Variants in WWOX observed in about 807,000 individuals in gnomAD.
WWOX encodes WW domain containing oxidoreductase, also known as WW domain-containing oxidoreductase.
A neutral mutation model predicts 46.2 loss-of-function variants in WWOX; 69 were observed. The ratio of observed to expected loss-of-function variants is 1.49; its 90% confidence interval spans 1.23 to 1.82. The LOEUF is 1.82. Ranked by LOEUF, WWOX falls within the 40% of genes most tolerant of loss-of-function variation. The pLI, the probability that WWOX is intolerant of heterozygous loss-of-function variation, is 0.00. For missense variants in WWOX, 919 were observed against 542.6 expected (o/e 1.69, Z -6.89); for synonymous variants, 359 against 202.6 (o/e 1.77, Z -6.56).
At chr16:78,931,955 G>T (rs1299391677) in intron 8 of WWOX, among the ~76,000 whole-genome samples, 2 of 152,160 alleles carry the variant, frequency 1.3e-5, no homozygotes, top group Admixed American at 6.5e-5. Context: ...TTTATAAAGG[G>T]CAGTTCCCCT....
rs150377251 is a variant in WWOX at position 78,390,566 on chromosome 16, G to C, written c.605+3618G>C. Among the ~76,000 whole-genome samples the C allele has an allele frequency of 4.9e-3, 744 of 152,200 alleles. 13 individuals carry two copies. Among genetic ancestry groups the C allele is most frequent in the East Asian group, 0.033 (173 of 5,166 alleles). Reference sequence around the variant, plus strand: ...TTTACATGGCTTAGAGAAATACTGTGGTGGTGAAAATATGCATAAAAAAGC... The same window carrying C: ...TTTACATGGCTTAGAGAAATACTGTCGTGGTGAAAATATGCATAAAAAAGC... On this transcript the variant is annotated intron_variant, in intron 6 of 8. Transcript: ENST00000566780.
chr16:78,393,710 C>G (rs145022219), intron 6 of WWOX, among the ~76,000 whole-genome samples: 1 of 152,184 alleles, frequency 6.6e-6, no homozygotes, highest in Non-Finnish European at 1.5e-5. Context: ...TTACCCAAGT[C>G]CAAACATTTT....
intron 8 of WWOX, among the ~76,000 whole-genome samples, chr16:78,800,268 T>G (rs1482861349): frequency 3.3e-5 from 5 of 152,238 alleles, no homozygotes; most frequent in Non-Finnish European, 7.3e-5. Flanking sequence ...AGTCGAGCTT[T>G]TCAGCCACAG....
chr16:79,128,932 C>T (rs540961838), intron 8 of WWOX, among the ~76,000 whole-genome samples: 2 of 152,158 alleles, frequency 1.3e-5, no homozygotes, highest in African/African-American at 2.4e-5. Flanking sequence ...CATTGTTGCC[C>T]AGTGTGAAGG....
chr16:79,077,685 C>T (rs912866090), intron 8 of WWOX, among the ~76,000 whole-genome samples: 13 of 150,252 alleles, frequency 8.7e-5, no homozygotes, highest in African/African-American at 3.2e-4. Flanking sequence ...TCTCTCGTAG[C>T]ATCTAATGAA....
chr16:78,337,215 G>A (rs1349116118), intron 5 of WWOX, among the ~76,000 whole-genome samples: 1 of 152,170 alleles, frequency 6.6e-6, no homozygotes, highest in Admixed American at 6.5e-5. Context: ...ATCCCTCAAT[G>A]TGTTGACCAA....
At chr16:78,448,219 G>T (rs2083606297) in intron 8 of WWOX, among the ~76,000 whole-genome samples, 1 of 152,116 alleles carries the variant, frequency 6.6e-6, no homozygotes, top group Admixed American at 6.6e-5. Flanking sequence ...CTCATTTTCT[G>T]AAGCTGACCA....
At chr16:78,453,661 G>T (rs1414715175) in intron 8 of WWOX, among the ~76,000 whole-genome samples, 1 of 151,740 alleles carries the variant, frequency 6.6e-6, no homozygotes, top group Non-Finnish European at 1.5e-5. Context: ...TTTTTACTCT[G>T]TTTATGAATA....
chr16:78,762,565 T>C (rs1199724152), intron 8 of WWOX, among the ~76,000 whole-genome samples: 1 of 152,196 alleles, frequency 6.6e-6, no homozygotes, highest in Non-Finnish European at 1.5e-5. Context: ...ACTGCTGCCA[T>C]GAGTCGAGGT....
At chr16:79,210,487 C>G (rs1403668032) in intron 8 of WWOX, among the ~76,000 whole-genome samples, 2 of 152,100 alleles carry the variant, frequency 1.3e-5, no homozygotes. Context: ...CCATTTCCCC[C>G]ACAATCAAAG....
intron 8 of WWOX, among the ~76,000 whole-genome samples, chr16:78,562,692 A>G (rs1020649844): frequency 6.6e-6 from 1 of 152,100 alleles, no homozygotes; most frequent in African/African-American, 2.4e-5. Flanking sequence ...GGCCATCTGC[A>G]CTCACTGACA....
At chr16:79,167,785 T>G (rs1414486708) in intron 8 of WWOX, among the ~76,000 whole-genome samples, 1 of 152,230 alleles carries the variant, frequency 6.6e-6, no homozygotes, top group East Asian at 1.9e-4. Context: ...CATTTTAAAG[T>G]GTACACTTCA....
chr16:78,154,757 T>G (rs12716851), intron 4 of WWOX, among the ~76,000 whole-genome samples: 86,260 of 151,818 alleles, frequency 0.57, 24,711 homozygotes, highest in African/African-American at 0.65. Context: ...ACACTTGACA[T>G]AGTAGGGTTT....
chr16:79,009,557 T>C (rs1005388092), intron 8 of WWOX, among the ~76,000 whole-genome samples: 1 of 151,938 alleles, frequency 6.6e-6, no homozygotes, highest in East Asian at 1.9e-4. Context: ...AACCTCTGCC[T>C]CCTGGGTTCA....
chr16:78,713,660 T>G (rs1351624634), intron 8 of WWOX, among the ~76,000 whole-genome samples: 2 of 152,104 alleles, frequency 1.3e-5, no homozygotes. Flanking sequence ...AAAGACACAT[T>G]GAGGAGGTGG....
chr16:79,003,581 G>C (rs142054350), intron 8 of WWOX, among the ~76,000 whole-genome samples: 28 of 152,200 alleles, frequency 1.8e-4, no homozygotes, highest in Non-Finnish European at 3.1e-4. Context: ...GTGGAATCCA[G>C]TTGGCAGGAG....
intron 8 of WWOX, among the ~76,000 whole-genome samples, chr16:79,032,132 ATTTG>A (rs1239749352): frequency 6.9e-6 from 1 of 145,310 alleles, no homozygotes; most frequent in African/African-American, 2.5e-5. Flanking sequence ...GTATATATAT[ATTTG>A]TTAGGGTAAA....
intron 8 of WWOX, among the ~76,000 whole-genome samples, chr16:78,470,196 G>C (rs1023946040): frequency 1.4e-4 from 22 of 152,186 alleles, no homozygotes; most frequent in African/African-American, 5.3e-4. Context: ...AAAGCTGGTG[G>C]AAGAAGTAGG....
intron 8 of WWOX, among the ~76,000 whole-genome samples, chr16:78,483,480 A>G (rs2667569): frequency 0.19 from 28,614 of 149,170 alleles, 2,938 homozygotes; most frequent in African/African-American, 0.26. Context: ...AGTAAGTGAC[A>G]CTGATCGGTG....
Sources: allele counts gnomAD v4.1 joint callset (sites outside exome capture counted in the v4.1 genomes callset), GRCh38; gene constraint gnomAD v4.1.1; transcripts MANE v1.5; gene names NCBI Gene and HGNC (gene_info 2026-07-23, HGNC 2026-07-21).